Variants in SOX15 observed in about 807,000 individuals in gnomAD.
SOX15 encodes transcription factor SOX-15.
SOX15 carries 12 observed loss-of-function variants against 15.9 expected under a neutral mutation model. The observed-to-expected ratio is 0.75, with a 90% CI of 0.48 to 1.22. The LOEUF (loss-of-function observed/expected upper bound fraction) is 1.22. SOX15 is among the 50% of genes most tolerant of loss of function. The pLI, the probability that SOX15 is intolerant of heterozygous loss-of-function variation, is 0.00. For missense variants in SOX15, 309 were observed against 313.9 expected (o/e 0.98, Z 0.12); for synonymous variants, 149 against 142.8 (o/e 1.04, Z -0.31).
chr17:7,588,906 A>G, intron 1 of SOX15: 1 of 590,446 alleles, frequency 1.7e-6, no homozygotes, highest in South Asian at 2.1e-5. Flanking sequence ...TCCAGGGGTC[A>G]GTCACCTGAC....
Position 7,588,336 on chromosome 17 carries a change from A to C in SOX15, c.*42T>G, listed in dbSNP as rs761117953. 6.3e-6 allele frequency: 10 copies of C among 1,596,554 alleles called. No homozygotes were observed. Among genetic ancestry groups the C allele is most frequent in the Non-Finnish European group, 8.6e-6 (10 of 1,164,192 alleles). On this transcript the variant is annotated 3_prime_UTR_variant, in exon 2 of 2. Coordinates refer to ENST00000250055, the MANE Select transcript of SOX15 (RefSeq NM_006942.2). ...GTAGGGGATGCTGCTGGATTAAAAA[A>C]GGAGGATGAGGCCCGTCCCGTGAGG...
Position 7,588,326 on chromosome 17 carries a change from G to T in SOX15, c.*52C>A. 6.4e-7 allele frequency: 1 copy of T among 1,570,772 alleles called. No individual in the cohort carries two copies. The highest frequency in any genetic ancestry group is 8.8e-7 in the Non-Finnish European group (1 of 1,140,594). On this transcript the variant is annotated 3_prime_UTR_variant, in exon 2 of 2. Transcript: ENST00000250055. The stretch of plus-strand genomic sequence containing the variant: ...ACAGCCTGGGGTAGGGGATGCTGCT[G>T]GATTAAAAAAGGAGGATGAGGCCCG...
rs774459849 is a variant in SOX15 at position 7,588,326 on chromosome 17, G to A, written c.*52C>T. 2.1e-5 allele frequency: 33 copies of A among 1,570,774 alleles called. No individual in the cohort carries two copies. Among genetic ancestry groups the A allele is most frequent in the Non-Finnish European group, 2.9e-5 (33 of 1,140,596 alleles). On this transcript the variant is annotated 3_prime_UTR_variant, in exon 2 of 2. Transcript: ENST00000250055. ...ACAGCCTGGGGTAGGGGATGCTGCT[G>A]GATTAAAAAAGGAGGATGAGGCCCG...
chr17:7,589,000 AG>A, intron 1 of SOX15, 143 bp downstream of exon 1: 1 of 697,100 alleles, frequency 1.4e-6, no homozygotes, highest in Non-Finnish European at 2.3e-6. Context: ...CAGGCCCCGG[AG>A]GTACTGGGCC....
rs368015010 is a variant in SOX15 at position 7,589,917 on chromosome 17, G to A, written c.-241C>T. ...TGTCTGGTGCCCCGGCACTGAAGAG[G>A]TGTTCTGAGGCCTACTGACTGGGGG... On this transcript the variant is annotated 5_prime_UTR_variant, in exon 1 of 2. Transcript: ENST00000250055. 11 of 542,274 alleles carry A rather than the reference G, an allele frequency of 2.0e-5. No homozygotes were observed. The highest frequency in any genetic ancestry group is 1.9e-4 in the South Asian group (8 of 41,880). The allele number at this position is 542,274 out of a possible 1,614,324, so 33.6% of individuals were successfully genotyped here.
Position 7,588,344 on chromosome 17 carries a change from G to A in SOX15, c.*34C>T. 2 of 1,606,944 alleles carry A rather than the reference G, an allele frequency of 1.2e-6. No homozygotes were observed. The highest frequency in any genetic ancestry group is 1.7e-4 in the Middle Eastern group (1 of 6,052). Reference sequence around the variant, plus strand: ...TGCTGCTGGATTAAAAAAGGAGGATGAGGCCCGTCCCGTGAGGTCTGCGTC... The same window carrying A: ...TGCTGCTGGATTAAAAAAGGAGGATAAGGCCCGTCCCGTGAGGTCTGCGTC... On this transcript the variant is annotated 3_prime_UTR_variant, in exon 2 of 2. Coordinates refer to ENST00000250055, the MANE Select transcript of SOX15 (RefSeq NM_006942.2).
At position 7,589,817 on chromosome 17, in the gene SOX15, GC is replaced by G; in HGVS notation, c.-142del. On this transcript the variant is annotated 5_prime_UTR_variant, in exon 1 of 2. Transcript: ENST00000250055. ...CTTAAAAAGTGTATTTTATCCCCAA[GC>G]CCAGAGCTTAAACCGGAGCCTTTGC... 1.3e-6 allele frequency: 1 copy of G among 741,784 alleles called. No homozygotes were observed. The highest frequency in any genetic ancestry group is 2.1e-6 in the Non-Finnish European group (1 of 469,116). The allele number at this position is 741,784 out of a possible 1,614,324, so 46.0% of individuals were successfully genotyped here.
Position 7,589,867 on chromosome 17 carries a change from G to C in SOX15, c.-191C>G. On this transcript the variant is annotated 5_prime_UTR_variant, in exon 1 of 2. Coordinates refer to ENST00000250055, the MANE Select transcript of SOX15 (RefSeq NM_006942.2). ...GCTTCCAACCTGTTCGGCACACTTT[G>C]GGGAGAGTCGAATGCAAAATCCGCT... 2 of 591,430 alleles carry C rather than the reference G, an allele frequency of 3.4e-6. No individual in the cohort carries two copies. Among genetic ancestry groups the C allele is most frequent in the Non-Finnish European group, 5.8e-6 (2 of 343,232 alleles). The allele number at this position is 591,430 out of a possible 1,614,324, so 36.6% of individuals were successfully genotyped here.
rs1460264209 is a variant in SOX15, at chr17:7,588,899, AG to A, written c.533+244del. 3.1e-5 allele frequency: 18 copies of A among 589,328 alleles called. No individual in the cohort carries two copies. The East Asian group carries it at 5.1e-4, about 17-fold the overall frequency. 36.5% of individuals were successfully genotyped at this position (589,328 alleles called of 1,614,324 possible). Reference sequence around the variant, plus strand: ...ATCTAACTAGGACACAGTCGCATCCAGGGGTCAGTCACCTGACCCTACAGGG... The same window carrying A: ...ATCTAACTAGGACACAGTCGCATCCAGGGTCAGTCACCTGACCCTACAGGG... On this transcript the variant is annotated intron_variant, in intron 1 of 1. Transcript: ENST00000250055.
Position 7,589,550 on chromosome 17 carries a change from T to A in SOX15, c.127A>T (p.Thr43Ser). The stretch of plus-strand genomic sequence containing the variant: ...CGCTTCACCTTCTCCAGGGGCAGCG[T>A]CCCGGGGGCCGCGGGGCTCCCAGCG... ...EGAGSPAAPG[T>S]LPLEKVKRPM... Residue 43 changes from threonine to serine, a missense_variant, in exon 1 of 2, where the codon ACG (threonine) becomes TCG (serine). Thr to Ser is a moderately conservative substitution (Grantham distance 58). Coordinates refer to ENST00000250055, the MANE Select transcript of SOX15 (RefSeq NM_006942.2). 2 of 1,605,252 alleles carry A rather than the reference T, an allele frequency of 1.2e-6. No homozygotes were observed. The highest frequency in any genetic ancestry group is 1.7e-6 in the Non-Finnish European group (2 of 1,177,024).
In SOX15 at chr17:7,589,553, CG is replaced by C; in HGVS notation, c.123del (p.Thr43ArgfsTer7). 1.3e-6 allele frequency: 2 copies of C among 1,599,494 alleles called. No individual in the cohort carries two copies. The highest frequency in any genetic ancestry group is 1.3e-5 in the African/African-American group (1 of 74,810). On this transcript the variant is annotated frameshift_variant, in exon 1 of 2. Coordinates refer to ENST00000250055, the MANE Select transcript of SOX15 (RefSeq NM_006942.2). LOFTEE classifies it high-confidence loss of function. The part of the protein sequence containing the change: ...EREGAGSPAA[P>X]GTLPLEKVKR... The stretch of plus-strand genomic sequence containing the variant: ...TTCACCTTCTCCAGGGGCAGCGTCC[CG>C]GGGGCCGCGGGGCTCCCAGCGCCCT...
Position 7,588,515 on chromosome 17 carries a change from G to T in SOX15, c.565C>A (p.Pro189Thr), listed in dbSNP as rs1282948108. The change falls in exon 2 of 2, where the codon CCG becomes ACG. Residue 189 changes from proline to threonine, a missense_variant. Pro to Thr is a conservative substitution (Grantham distance 38, BLOSUM62 -1). Transcript: ENST00000250055. ...SSHCKLEAPS[P>T]CSLPQSDPRL... is the part of the protein sequence containing the mutation. ...GGGTCACTCTGAGGGAGGGAGCACG[G>T]TGAGGGGGCTTCCAGTTTGCAGTGG... The T allele has an allele frequency of 1.2e-6, 2 of 1,613,536 alleles. No individual in the cohort carries two copies. Among genetic ancestry groups the T allele is most frequent in the Non-Finnish European group, 1.7e-6 (2 of 1,180,002 alleles).
chr17:7,588,868 C>T, intron 1 of SOX15: 2 of 589,230 alleles, frequency 3.4e-6, no homozygotes, highest in South Asian at 2.0e-5. Flanking sequence ...AGGGGGGAAA[C>T]GGGGCATCTA....
chr17:7,588,790 G>A (rs915996892), intron 1 of SOX15, among the ~76,000 whole-genome samples: 2 of 152,162 alleles, frequency 1.3e-5, no homozygotes, highest in African/African-American at 4.8e-5. Context: ...GGAAAGGGCA[G>A]AATGAGCTCG....
At position 7,588,520 on chromosome 17, in the gene SOX15, G is replaced by A; in HGVS notation, c.560C>T (p.Pro187Leu). 1 of 1,613,482 alleles carries A rather than the reference G, an allele frequency of 6.2e-7. No homozygotes were observed. Among genetic ancestry groups the A allele is most frequent in the Non-Finnish European group, 8.5e-7 (1 of 1,179,976 alleles). Reference sequence around the variant, plus strand: ...ACTCTGAGGGAGGGAGCACGGTGAGGGGGCTTCCAGTTTGCAGTGGGAAGA... The same window carrying A: ...ACTCTGAGGGAGGGAGCACGGTGAGAGGGCTTCCAGTTTGCAGTGGGAAGA... ...YGSSHCKLEA[P>L]SPCSLPQSDP... Residue 187 changes from proline (P) to leucine (L), a missense_variant, in exon 2 of 2, where the codon CCC becomes CTC. Pro to Leu is a moderately conservative substitution (Grantham distance 98). Transcript: ENST00000250055.
chr17:7,589,380 C>G lies in SOX15; in HGVS notation c.297G>C (p.Val99=). 1 of 1,612,424 alleles carries G rather than the reference C, an allele frequency of 6.2e-7. No individual in the cohort carries two copies. The highest frequency in any genetic ancestry group is 1.1e-5 in the South Asian group (1 of 90,978). Residue 99 remains valine (V), a synonymous_variant, in exon 1 of 2, where the codon GTG becomes GTC. Coordinates refer to ENST00000250055, the MANE Select transcript of SOX15 (RefSeq NM_006942.2). ...GGGCGCGGAGCCGCTTGGCCTCCTC[C>G]ACGAAGGGCCGCTTCTCGTCCTCGT... ...LLDEDEKRPF[V]EEAKRLRARH...
rs1222193195 is a variant in SOX15 at position 7,589,625 on chromosome 17, C to G, written c.52G>C (p.Ala18Pro). 6.4e-7 allele frequency: 1 copy of G among 1,552,040 alleles called. No individual in the cohort carries two copies. The highest frequency in any genetic ancestry group is 1.2e-5 in the South Asian group (1 of 85,186). Residue 18 changes from alanine (A) to proline (P), a missense_variant, in exon 1 of 2, where the codon GCT (alanine) becomes CCT (proline). Ala to Pro is a conservative substitution (Grantham distance 27). Coordinates refer to ENST00000250055, the MANE Select transcript of SOX15 (RefSeq NM_006942.2). ...QDQAWSLEPPAATAAASSSSG... is the reference protein window; with the variant it reads ...QDQAWSLEPPPATAAASSSSG... ...GATGAGGAGGCAGCAGCCGTGGCAG[C>G]CGGAGGCTCCAGGCTCCAGGCCTGG...
Position 7,589,945 on chromosome 17 carries a change from C to A in SOX15, c.-269G>T, listed in dbSNP as rs1333922623. Reference sequence around the variant, plus strand: ...TTCTGAGGCCTACTGACTGGGGGACCCCCGGTCCCTCTCCCCGACCCGCAG... The same window carrying A: ...TTCTGAGGCCTACTGACTGGGGGACACCCGGTCCCTCTCCCCGACCCGCAG... On this transcript the variant is annotated 5_prime_UTR_variant, in exon 1 of 2. Transcript: ENST00000250055. The A allele has an allele frequency of 2.1e-6, 1 of 487,506 alleles. No homozygotes were observed. The highest frequency in any genetic ancestry group is 2.0e-5 in the African/African-American group (1 of 49,278). The allele number at this position is 487,506 out of a possible 1,614,324, so 30.2% of individuals were successfully genotyped here.
chr17:7,589,268 C>A lies in SOX15; in HGVS notation c.409G>T (p.Gly137Ter). Residue 137 changes from glycine to a stop codon, truncating the protein, a stop_gained, in exon 1 of 2, where the codon GGA becomes TGA. Coordinates refer to ENST00000250055, the MANE Select transcript of SOX15 (RefSeq NM_006942.2). LOFTEE classifies it high-confidence loss of function. ...SGAGPSRCGQ[G>*]RGNLASGGPL... ...CCGCCGCTGGCCAGGTTGCCTCTTC[C>A]CTGTCCGCAGCGGGAAGGTCCGGCG... 6.4e-7 allele frequency: 1 copy of A among 1,561,170 alleles called. No individual in the cohort carries two copies. Among genetic ancestry groups the A allele is most frequent in the Non-Finnish European group, 8.7e-7 (1 of 1,153,272 alleles).
Sources: allele counts gnomAD v4.1 joint callset (sites outside exome capture counted in the v4.1 genomes callset), GRCh38; gene constraint gnomAD v4.1.1; transcripts MANE v1.5; gene names NCBI Gene and HGNC (gene_info 2026-07-23, HGNC 2026-07-21).